ROBO1: variants seen among roughly 807,000 people sequenced by gnomAD.
ROBO1 encodes the protein roundabout guidance receptor 1.
ROBO1 carries 149 observed loss-of-function variants against 195.9 expected under a neutral mutation model. The ratio of observed to expected loss-of-function variants is 0.76; its 90% CI spans 0.67 to 0.87. The LOEUF is 0.87. Among genes scored for constraint, ROBO1 ranks in the 40% least tolerant of loss-of-function variants. The pLI is 0.00. For missense variants in ROBO1, 1,933 were observed against 2,068.3 expected (o/e 0.93, Z 1.27); for synonymous variants, 816 against 733.2 (o/e 1.11, Z -1.82).
At chr3:79,713,425 G>T (rs1375594799) in intron 1 of ROBO1, among the ~76,000 whole-genome samples, 1 of 152,046 alleles carries the variant, frequency 6.6e-6, no homozygotes, top group East Asian at 1.9e-4. Context: ...CATGGGAGAA[G>T]GTCAAAAGGT....
intron 2 of ROBO1, among the ~76,000 whole-genome samples, chr3:79,560,097 C>T (rs981862560): frequency 6.6e-6 from 1 of 151,782 alleles, no homozygotes; most frequent in Admixed American, 6.6e-5. Context: ...CACTTACTCA[C>T]GTTAAGTGAT....
At chr3:78,935,682 GAGT>G (rs2039766860) in intron 4 of ROBO1, among the ~76,000 whole-genome samples, 1 of 151,926 alleles carries the variant, frequency 6.6e-6, no homozygotes, top group Non-Finnish European at 1.5e-5. Flanking sequence ...GACAAATAGT[GAGT>G]TTTTATGTCT....
chr3:79,574,443 A>C (rs953250653), intron 2 of ROBO1, among the ~76,000 whole-genome samples: 3 of 151,868 alleles, frequency 2.0e-5, no homozygotes, highest in Admixed American at 6.6e-5. Flanking sequence ...AATACTATAA[A>C]ATTTTATTTT....
chr3:79,580,187 C>T lies in ROBO1; in HGVS notation c.88+9637G>A, dbSNP rs554496867. Among the ~76,000 whole-genome samples the T allele has an allele frequency of 1.1e-4, 16 of 152,032 alleles. No homozygotes were observed. In the South Asian group the frequency reaches 1.7e-3, roughly 16 times the overall value. ...AATGTCATGTCATAATAAATCTTATCCCAGCCAGGCTCAGTGGCTCATGCC... is the reference window on the plus strand; with the variant it reads ...AATGTCATGTCATAATAAATCTTATTCCAGCCAGGCTCAGTGGCTCATGCC... On this transcript the variant is annotated intron_variant, in intron 2 of 30. Transcript: ENST00000464233.
At chr3:79,567,561 C>T (rs1184852494) in intron 2 of ROBO1, among the ~76,000 whole-genome samples, 5 of 152,028 alleles carry the variant, frequency 3.3e-5, no homozygotes, top group Admixed American at 2.0e-4. Context: ...TTATTCATTT[C>T]GTTTATCATT....
intron 1 of ROBO1, among the ~76,000 whole-genome samples, chr3:79,617,036 T>A (rs985012756): frequency 5.9e-5 from 9 of 152,128 alleles, no homozygotes; most frequent in Admixed American, 4.6e-4. Flanking sequence ...TAAAGCACAA[T>A]GTCTTTTTGA....
At chr3:79,042,963 C>G (rs2078516106) in intron 3 of ROBO1, among the ~76,000 whole-genome samples, 1 of 152,106 alleles carries the variant, frequency 6.6e-6, no homozygotes, top group South Asian at 2.1e-4. Flanking sequence ...TGTATTTTCA[C>G]CATACCCTTA....
At chr3:78,672,951 A>ACC in intron 10 of ROBO1, among the ~76,000 whole-genome samples, 1 of 152,296 alleles carries the variant, frequency 6.6e-6, no homozygotes, top group Non-Finnish European at 1.5e-5. Context: ...CTACAACAGA[A>ACC]ATGTTCCATA....
At chr3:79,413,095 T>C (rs1345966408) in intron 2 of ROBO1, among the ~76,000 whole-genome samples, 2 of 151,550 alleles carry the variant, frequency 1.3e-5, no homozygotes, top group African/African-American at 2.4e-5. Flanking sequence ...ATAATATATA[T>C]ATATTTCTTT....
intron 2 of ROBO1, among the ~76,000 whole-genome samples, chr3:79,421,337 A>G (rs2038215195): frequency 6.6e-6 from 1 of 152,014 alleles, no homozygotes; most frequent in South Asian, 2.1e-4. Context: ...CAACTTATCT[A>G]TACAACAAAC....
intron 2 of ROBO1, among the ~76,000 whole-genome samples, chr3:79,428,930 T>G (rs1450497708): frequency 2.6e-5 from 4 of 152,088 alleles, no homozygotes; most frequent in African/African-American, 7.2e-5. Flanking sequence ...GGCCAAGTTA[T>G]AAGAACAGAA....
At chr3:79,509,460 A>G (rs1311218353) in intron 2 of ROBO1, among the ~76,000 whole-genome samples, 1 of 152,172 alleles carries the variant, frequency 6.6e-6, no homozygotes, top group Non-Finnish European at 1.5e-5. Flanking sequence ...AATTCAGAAC[A>G]TCATTATTTT....
chr3:78,708,625 C>T (rs1305976110), intron 8 of ROBO1, among the ~76,000 whole-genome samples: 1 of 152,044 alleles, frequency 6.6e-6, no homozygotes, highest in African/African-American at 2.4e-5. Context: ...TAAAAACAAA[C>T]CTGCAACCAT....
At chr3:79,212,967 A>G (rs1331242326) in intron 2 of ROBO1, among the ~76,000 whole-genome samples, 1 of 152,036 alleles carries the variant, frequency 6.6e-6, no homozygotes. Flanking sequence ...GTCTCATTAA[A>G]TCCTAAAGAA....
At chr3:79,267,536 TA>T (rs1351722700) in intron 2 of ROBO1, among the ~76,000 whole-genome samples, 4 of 151,104 alleles carry the variant, frequency 2.6e-5, no homozygotes, top group Admixed American at 2.0e-4. Context: ...TCTTGTGTTT[TA>T]AATCTATCTC....
intron 28 of ROBO1, among the ~76,000 whole-genome samples, chr3:78,609,077 C>G (rs1212029926): frequency 6.6e-6 from 1 of 152,074 alleles, no homozygotes; most frequent in Non-Finnish European, 1.5e-5. Flanking sequence ...TAAGTCATGT[C>G]TTTAGAAATG....
At chr3:78,709,493 C>G (rs1429793503) in intron 8 of ROBO1, among the ~76,000 whole-genome samples, 1 of 152,088 alleles carries the variant, frequency 6.6e-6, no homozygotes, top group African/African-American at 2.4e-5. Flanking sequence ...TTGCCTCTTT[C>G]CTAAGTAAAA....
intron 2 of ROBO1, among the ~76,000 whole-genome samples, chr3:79,294,073 A>AG (rs1455713650): frequency 6.7e-6 from 1 of 148,908 alleles, no homozygotes; most frequent in Non-Finnish European, 1.5e-5. Context: ...AAAAAAAAAA[A>AG]AAAAAAAAAA....
chr3:79,663,554 G>A (rs1946391312), intron 1 of ROBO1, among the ~76,000 whole-genome samples: 1 of 151,878 alleles, frequency 6.6e-6, no homozygotes, highest in Non-Finnish European at 1.5e-5. Context: ...GTCTCACTAG[G>A]TTGCCCAGGC....
Sources: gnomAD v4.1 joint callset for allele counts (sites outside exome capture counted in the v4.1 genomes callset) on GRCh38, gnomAD v4.1.1 for gene constraint, MANE v1.5 for transcripts, NCBI Gene and HGNC (gene_info 2026-07-23, HGNC 2026-07-21) for gene names.